Variants in UBXN4 observed in about 807,000 individuals in gnomAD.
UBXN4 encodes the protein UBX domain protein 4, also known as UBX domain-containing protein 4.
A neutral mutation model predicts 66.2 loss-of-function variants in UBXN4; 35 were observed. The observed-to-expected ratio is 0.53, with a 90% CI of 0.40 to 0.70. The LOEUF is 0.70. Ranked by LOEUF, UBXN4 falls within the 30% of genes least tolerant of loss-of-function variation. The pLI is 0.00. For missense variants in UBXN4, 533 were observed against 599.8 expected (o/e 0.89, Z 1.16); for synonymous variants, 203 against 204.5 (o/e 0.99, Z 0.06).
In UBXN4 at chr2:135,754,294, C is replaced by T; in HGVS notation, c.333+17C>T. ...GTCCGACAGGTAAGAAGGAACAGAA[C>T]TGTTGTTTCCGTAAATGGTACGTCA... On this transcript the variant is annotated intron_variant, in intron 4 of 12. Coordinates refer to ENST00000272638, the MANE Select transcript of UBXN4 (RefSeq NM_014607.4). 1.3e-6 allele frequency: 2 copies of T among 1,579,430 alleles called. No individual in the cohort carries two copies. The highest frequency in any genetic ancestry group is 2.2e-5 in the East Asian group (1 of 44,652).
intron 6 of UBXN4, 119 bp from the exon 7 acceptor site, chr2:135,769,649 GC>G (rs1233561481): frequency 2.7e-6 from 2 of 738,114 alleles, no homozygotes; most frequent in African/African-American, 3.7e-5. Flanking sequence ...ATAGTTGCTT[GC>G]TTTTTGTTTG....
intron 12 of UBXN4, among the ~76,000 whole-genome samples, chr2:135,781,011 G>A (rs181967580): frequency 2.6e-5 from 4 of 152,352 alleles, no homozygotes; most frequent in Non-Finnish European, 5.9e-5. Context: ...AATTACTTGA[G>A]CTTATGCATT....
In UBXN4 at chr2:135,780,326, A is replaced by T. The variant is rs1286556138; in HGVS notation, c.1329A>T (p.Ser443=). The T allele has an allele frequency of 6.2e-7, 1 of 1,614,078 alleles. No individual in the cohort carries two copies. Among genetic ancestry groups the T allele is most frequent in the Non-Finnish European group, 8.5e-7 (1 of 1,180,052 alleles). ...LFSNPPPTQT[S]VRVTSSEPPN... The stretch of plus-strand genomic sequence containing the variant: ...GTAATCCGCCTCCCACACAGACTTC[A>T]GTGAGAGTAACATCGTCAGAACCCC... Residue 443 remains serine (S), a synonymous_variant, in exon 12 of 13, where the codon TCA becomes TCT. Transcript: ENST00000272638.
chr2:135,744,308 TTTAG>T (rs916411700), intron 1 of UBXN4, among the ~76,000 whole-genome samples: 5 of 152,238 alleles, frequency 3.3e-5, no homozygotes, highest in Admixed American at 1.3e-4. Context: ...GCAAGTGGTC[TTTAG>T]TTAGTGACAT....
Position 135,784,325 on chromosome 2 carries a change from TAAC to T in UBXN4, c.*1442_*1444del, listed in dbSNP as rs1469651566. The T allele has an allele frequency of 1.3e-5, 2 of 152,278 alleles. No homozygotes were observed. Among genetic ancestry groups the T allele is most frequent in the South Asian group, 4.1e-4 (2 of 4,828 alleles). The allele number at this position is 152,278 out of a possible 1,614,324, so 9.4% of individuals were successfully genotyped here. A position where few individuals can be genotyped will look rare whatever the true frequency, so the allele number is the denominator to read the frequency against. Reference sequence around the variant, plus strand: ...TGAGGAGAAATGGTACAATACTAATTAACAACTTGGTTTAACATGTTTACTGAG... The same window carrying T: ...TGAGGAGAAATGGTACAATACTAATTAACTTGGTTTAACATGTTTACTGAG... On this transcript the variant is annotated 3_prime_UTR_variant, in exon 13 of 13. Coordinates refer to ENST00000272638, the MANE Select transcript of UBXN4 (RefSeq NM_014607.4).
chr2:135,742,196 C>T (rs1440653612), intron 1 of UBXN4, among the ~76,000 whole-genome samples, 185 bp downstream of exon 1: 1 of 152,172 alleles, frequency 6.6e-6, no homozygotes, highest in Non-Finnish European at 1.5e-5. Context: ...CCCAGAGGGG[C>T]CATGCAGACC....
At chr2:135,745,400 C>A (rs1044496212) in intron 1 of UBXN4, among the ~76,000 whole-genome samples, 3 of 152,130 alleles carry the variant, frequency 2.0e-5, no homozygotes, top group African/African-American at 7.2e-5. Flanking sequence ...ATAAAGAGTT[C>A]TCTTGTTATT....
chr2:135,779,179 T>A (rs2077435675), intron 11 of UBXN4, 100 bp downstream of exon 11: 4 of 1,242,512 alleles, frequency 3.2e-6, no homozygotes, highest in Non-Finnish European at 4.2e-6. Flanking sequence ...ACAGATATAC[T>A]GAAGGTAATT....
intron 5 of UBXN4, among the ~76,000 whole-genome samples, chr2:135,756,677 C>T (rs539475377): frequency 7.2e-5 from 11 of 152,242 alleles, no homozygotes; most frequent in Admixed American, 3.3e-4. Flanking sequence ...ATATCATTTC[C>T]AAAATTCTTC....
intron 5 of UBXN4, among the ~76,000 whole-genome samples, chr2:135,757,249 C>T (rs2077283829): frequency 6.6e-6 from 1 of 152,118 alleles, no homozygotes; most frequent in Admixed American, 6.6e-5. Flanking sequence ...TTCACTGACT[C>T]TTTATCATCT....
At chr2:135,746,820 T>C (rs2077209893) in intron 1 of UBXN4, among the ~76,000 whole-genome samples, 2 of 152,068 alleles carry the variant, frequency 1.3e-5, no homozygotes, top group South Asian at 2.1e-4. Flanking sequence ...GTAAGGACTT[T>C]GGCTTTTACT....
chr2:135,765,421 A>G (rs1406753455), intron 6 of UBXN4, among the ~76,000 whole-genome samples: 3 of 151,344 alleles, frequency 2.0e-5, no homozygotes, highest in Non-Finnish European at 4.4e-5. Flanking sequence ...ATGTTGGTCA[A>G]GCTGGTCTCG....
chr2:135,756,639 ATTACT>A (rs1326620940), intron 5 of UBXN4, among the ~76,000 whole-genome samples: 3 of 152,210 alleles, frequency 2.0e-5, no homozygotes. Flanking sequence ...CGACAGAATA[ATTACT>A]TTAATTGTAT....
intron 10 of UBXN4, among the ~76,000 whole-genome samples, chr2:135,777,174 A>G (rs1350109253): frequency 1.3e-5 from 2 of 152,264 alleles, no homozygotes; most frequent in Non-Finnish European, 2.9e-5. Context: ...AATGGAGTAT[A>G]TATCTTGAGA....
chr2:135,753,276 G>A (rs561160086), intron 2 of UBXN4, among the ~76,000 whole-genome samples: 10 of 152,092 alleles, frequency 6.6e-5, no homozygotes, highest in Admixed American at 2.6e-4. Context: ...TGCCTGCCTC[G>A]GCCTCCCAAA....
At chr2:135,752,879 C>G (rs2077253342) in intron 2 of UBXN4, among the ~76,000 whole-genome samples, 1 of 151,918 alleles carries the variant, frequency 6.6e-6, no homozygotes, top group Admixed American at 6.6e-5. Context: ...TGCCACCACG[C>G]CGAGCTAATT....
In UBXN4 at chr2:135,784,787, T is replaced by G. The variant is rs1449419130; in HGVS notation, c.*1900T>G. 1 of 152,534 alleles carries G rather than the reference T, an allele frequency of 6.6e-6. No individual in the cohort carries two copies. The highest frequency in any genetic ancestry group is 2.4e-5 in the African/African-American group (1 of 41,416). The allele number at this position is 152,534 out of a possible 1,614,324, so 9.4% of individuals were successfully genotyped here. On this transcript the variant is annotated 3_prime_UTR_variant, in exon 13 of 13. Coordinates refer to ENST00000272638, the MANE Select transcript of UBXN4 (RefSeq NM_014607.4). ...CTTGAAAAATATCAAATATAACTCTTAGAGAAATGTACATAAAAGAATGCT... is the reference window on the plus strand; with the variant it reads ...CTTGAAAAATATCAAATATAACTCTGAGAGAAATGTACATAAAAGAATGCT...
intron 12 of UBXN4, among the ~76,000 whole-genome samples, chr2:135,780,676 A>AT (rs200797458): frequency 4.0e-5 from 6 of 151,892 alleles, no homozygotes; most frequent in East Asian, 1.9e-4. Flanking sequence ...ATCAAGGCAG[A>AT]TTTTTTTTTC....
chr2:135,778,902 C>T, intron 10 of UBXN4, 46 bp from the exon 11 acceptor site: 1 of 1,543,844 alleles, frequency 6.5e-7, no homozygotes, highest in Non-Finnish European at 8.7e-7. Flanking sequence ...TGAGTAATAT[C>T]TTACTTTTAA....
Sources: gnomAD v4.1 joint callset for allele counts (sites outside exome capture counted in the v4.1 genomes callset) on GRCh38, gnomAD v4.1.1 for gene constraint, MANE v1.5 for transcripts, NCBI Gene and HGNC (gene_info 2026-07-23, HGNC 2026-07-21) for gene names.